Variants in IL37 observed in about 807,000 individuals in gnomAD.
IL37 encodes interleukin-37.
IL37 carries 15 observed loss-of-function variants against 15.4 expected under a neutral mutation model. The ratio of observed to expected loss-of-function variants is 0.98; its 90% CI spans 0.65 to 1.50. The LOEUF (loss-of-function observed/expected upper bound fraction) is 1.50. IL37 is among the 40% of genes most tolerant of loss of function. IL37 has a pLI of 0.00. For missense variants in IL37, 269 were observed against 261.7 expected (o/e 1.03, Z -0.19); for synonymous variants, 98 against 97.4 (o/e 1.01, Z -0.03).
Position 112,913,028 on chromosome 2 carries a change from GA to G in IL37, c.17del (p.Glu6GlyfsTer5). On this transcript the variant is annotated frameshift_variant, in exon 2 of 6. Coordinates refer to ENST00000263326, the MANE Select transcript of IL37 (RefSeq NM_014439.4). LOFTEE classifies it high-confidence loss of function. MSFVG[E>X]NSGVKMGSED... The stretch of plus-strand genomic sequence containing the variant: ...AACGTTGAAAATGTCCTTTGTGGGG[GA>G]GAACTCAGGAGTGAAAATGGGCTCT... The G allele has an allele frequency of 6.3e-7, 1 of 1,578,924 alleles. No individual in the cohort carries two copies. The highest frequency in any genetic ancestry group is 1.2e-5 in the South Asian group (1 of 84,524).
In IL37 at chr2:112,913,779, C is replaced by G; in HGVS notation, c.83-13C>G. 1 of 1,611,868 alleles carries G rather than the reference C, an allele frequency of 6.2e-7. No individual in the cohort carries two copies. Among genetic ancestry groups the G allele is most frequent in the Non-Finnish European group, 8.5e-7 (1 of 1,177,974 alleles). Reference sequence around the variant, plus strand: ...CGAATTGCATATGCTAACCTCACTGCGTCTGACTGCAGACCCGGCTGGAAG... The same window carrying G: ...CGAATTGCATATGCTAACCTCACTGGGTCTGACTGCAGACCCGGCTGGAAG... On this transcript the variant is annotated splice_polypyrimidine_tract_variant and intron_variant, in intron 2 of 5. Coordinates refer to ENST00000263326, the MANE Select transcript of IL37 (RefSeq NM_014439.4).
At position 112,918,480 on chromosome 2, in the gene IL37, G is replaced by A. The variant is rs547310623; in HGVS notation, c.409-81G>A. The A allele has an allele frequency of 3.0e-4, 452 of 1,483,812 alleles. 4 individuals are homozygous for A. The African/African-American group carries it at 5.1e-3, about 17-fold the overall frequency. 91.9% of individuals were successfully genotyped at this position (1,483,812 alleles called of 1,614,324 possible). ...CTCTTTTCCTCCTCTCCTGTGTAAA[G>A]GCCTGGAGGATGAGCACATGTGCTG... On this transcript the variant is annotated intron_variant, in intron 5 of 5. Coordinates refer to ENST00000263326, the MANE Select transcript of IL37 (RefSeq NM_014439.4).
rs1683374349 is a variant in IL37, at chr2:112,918,477, A to C, written c.409-84A>C. ...TCTCTCTTTTCCTCCTCTCCTGTGT[A>C]AAGGCCTGGAGGATGAGCACATGTG... is the stretch of plus-strand genomic sequence containing the variant. On this transcript the variant is annotated intron_variant, in intron 5 of 5. Coordinates refer to ENST00000263326, the MANE Select transcript of IL37 (RefSeq NM_014439.4). 3 of 1,461,360 alleles carry C rather than the reference A, an allele frequency of 2.1e-6. No individual in the cohort carries two copies. The East Asian group carries it at 6.9e-5, about 33-fold the overall frequency. The allele number at this position is 1,461,360 out of a possible 1,614,324, so 90.5% of individuals were successfully genotyped here. A position where few individuals can be genotyped will look rare whatever the true frequency, so the allele number is the denominator to read the frequency against.
At chr2:112,914,100 T>C (rs1683245570) in intron 3 of IL37, among the ~76,000 whole-genome samples, 2 of 152,158 alleles carry the variant, frequency 1.3e-5, no homozygotes, top group African/African-American at 4.8e-5. Context: ...GAAGAGTTTG[T>C]GCCTGGGAAC....
intron 3 of IL37, among the ~76,000 whole-genome samples, chr2:112,914,285 A>T (rs536607012): frequency 9.2e-5 from 14 of 152,314 alleles, no homozygotes; most frequent in African/African-American, 3.1e-4. Flanking sequence ...TTTGAACACC[A>T]CAACACCCTA....
rs1306452810 is a variant in IL37, at chr2:112,918,859, A to T, written c.*50A>T. The T allele has an allele frequency of 1.3e-6, 2 of 1,562,672 alleles. No homozygotes were observed. Among genetic ancestry groups the T allele is most frequent in the Admixed American group, 1.8e-5 (1 of 55,644 alleles). On this transcript the variant is annotated 3_prime_UTR_variant, in exon 6 of 6. Coordinates refer to ENST00000263326, the MANE Select transcript of IL37 (RefSeq NM_014439.4). ...CTCGCTAATTTGAACTAATTGTATAAAAACACCAAACCTGCTCACTAAACT... is the reference window on the plus strand; with the variant it reads ...CTCGCTAATTTGAACTAATTGTATATAAACACCAAACCTGCTCACTAAACT...
chr2:112,911,785 A>G (rs1683183816), intron 1 of IL37, among the ~76,000 whole-genome samples: 1 of 152,106 alleles, frequency 6.6e-6, no homozygotes, highest in South Asian at 2.1e-4. Context: ...TTGGATACCT[A>G]CGTTTCTGCC....
intron 3 of IL37, among the ~76,000 whole-genome samples, chr2:112,916,584 T>C (rs1683316428): frequency 6.6e-6 from 1 of 152,056 alleles, no homozygotes; most frequent in Admixed American, 6.6e-5. Context: ...CCTCCAACCC[T>C]CCCAACTCTT....
intron 4 of IL37, 83 bp from the exon 5 acceptor site, chr2:112,917,552 G>C: frequency 7.4e-7 from 1 of 1,343,196 alleles, no homozygotes; most frequent in Non-Finnish European, 1.0e-6. Flanking sequence ...GAGGGACTGT[G>C]CATCAGGCCT....
intron 3 of IL37, chr2:112,915,329 C>G: frequency 1.6e-6 from 2 of 1,287,806 alleles, no homozygotes; most frequent in Non-Finnish European, 2.2e-6. Context: ...TCACCCTGGA[C>G]TAACTGAATG....
At chr2:112,913,159 G>C (rs1348357921) in intron 2 of IL37, 65 bp downstream of exon 2, 8 of 1,165,984 alleles carry the variant, frequency 6.9e-6, no homozygotes, top group Non-Finnish European at 9.5e-6. Context: ...ACTTTGCTAG[G>C]TGCTGTGCAC....
At chr2:112,917,014 T>A in intron 3 of IL37, 115 bp from the exon 4 acceptor site, 1 of 1,174,846 alleles carries the variant, frequency 8.5e-7, no homozygotes, top group Non-Finnish European at 1.2e-6. Flanking sequence ...GGCTGTGATG[T>A]CTGAGCCCAC....
intron 1 of IL37, among the ~76,000 whole-genome samples, 135 bp downstream of exon 1, chr2:112,911,383 C>T (rs1328333017): frequency 6.6e-6 from 1 of 152,194 alleles, no homozygotes; most frequent in Non-Finnish European, 1.5e-5. Flanking sequence ...ATCTCTGAGA[C>T]CTGCCCAGAA....
intron 3 of IL37, 121 bp from the exon 4 acceptor site, chr2:112,917,008 G>A: frequency 9.3e-7 from 1 of 1,080,554 alleles, no homozygotes; most frequent in Non-Finnish European, 1.3e-6. Context: ...TTCAGTGGCT[G>A]TGATGTCTGA....
chr2:112,914,872 C>T (rs1159326683), intron 3 of IL37, among the ~76,000 whole-genome samples: 1 of 152,160 alleles, frequency 6.6e-6, no homozygotes, highest in Non-Finnish European at 1.5e-5. Context: ...CCAGGCCCCA[C>T]CACAGACCTC....
At chr2:112,914,717 C>T (rs28947192) in intron 3 of IL37, among the ~76,000 whole-genome samples, 1,927 of 152,310 alleles carry the variant, frequency 0.013, 43 homozygotes, top group African/African-American at 0.044. Context: ...GGTGGAACCA[C>T]GCACACAAGC....
At chr2:112,917,805 C>T (rs1279206478) in intron 5 of IL37, 28 bp downstream of exon 5, 26 of 1,612,882 alleles carry the variant, frequency 1.6e-5, no homozygotes, top group Non-Finnish European at 2.1e-5. Flanking sequence ...GTTTCCTGGG[C>T]CTTTGGCTAC....
intron 2 of IL37, among the ~76,000 whole-genome samples, 185 bp from the exon 3 acceptor site, chr2:112,913,607 C>T (rs548388395): frequency 2.7e-4 from 41 of 152,302 alleles, no homozygotes; most frequent in Non-Finnish European, 4.1e-4. Flanking sequence ...AGGCCAAACC[C>T]GTGATCCAGT....
rs370608179 is a variant in IL37, at chr2:112,913,034, T to A, written c.22T>A (p.Ser8Thr). Residue 8 changes from serine to threonine, a missense_variant, in exon 2 of 6, where the codon TCA becomes ACA. Physicochemically the swap from Ser to Thr is moderately conservative, Grantham distance 58. Coordinates refer to ENST00000263326, the MANE Select transcript of IL37 (RefSeq NM_014439.4). Reference sequence around the variant, plus strand: ...GAAAATGTCCTTTGTGGGGGAGAACTCAGGAGTGAAAATGGGCTCTGAGGA... The same window carrying A: ...GAAAATGTCCTTTGTGGGGGAGAACACAGGAGTGAAAATGGGCTCTGAGGA... Reference protein sequence around the residue: MSFVGENSGVKMGSEDWE... With the variant: MSFVGENTGVKMGSEDWE... The A allele has an allele frequency of 6.3e-7, 1 of 1,578,816 alleles. No homozygotes were observed. The highest frequency in any genetic ancestry group is 8.6e-7 in the Non-Finnish European group (1 of 1,167,012).
Sources: gnomAD v4.1 joint callset for allele counts (sites outside exome capture counted in the v4.1 genomes callset) on GRCh38, gnomAD v4.1.1 for gene constraint, MANE v1.5 for transcripts, NCBI Gene and HGNC (gene_info 2026-07-23, HGNC 2026-07-21) for gene names.